Variants in ARIH1 observed in about 807,000 individuals in gnomAD.
The protein encoded by ARIH1 is ariadne RBR E3 ubiquitin protein ligase 1.
A neutral mutation model predicts 85.0 loss-of-function variants in ARIH1; 8 were observed. The observed-to-expected ratio is 0.09, with a 90% confidence interval of 0.06 to 0.17. The LOEUF (loss-of-function observed/expected upper bound fraction) is 0.17. Among genes scored for constraint, ARIH1 ranks in the 10% least tolerant of loss-of-function variants. The probability of loss-of-function intolerance (pLI) is 1.00; values close to 1 mark genes in which losing one functional copy is unlikely to be tolerated. For missense variants in ARIH1, 311 were observed against 718.1 expected, an observed-to-expected ratio of 0.43 and a Z score of 6.48; for synonymous variants, 238 against 253.6, an observed-to-expected ratio of 0.94 and a Z score of 0.59.
At chr15:72,490,410 G>T (rs780574221) in intron 1 of ARIH1, among the ~76,000 whole-genome samples, 1 of 152,110 alleles carries the variant, frequency 6.6e-6, no homozygotes, top group African/African-American at 2.4e-5. Flanking sequence ...TGTCAGATTG[G>T]CAGCGGCATT....
intron 2 of ARIH1, among the ~76,000 whole-genome samples, chr15:72,528,144 CTCATT>C (rs2064038653): frequency 6.6e-6 from 1 of 151,974 alleles, no homozygotes. Context: ...CATTTAAAAA[CTCATT>C]TCAGTTGATA....
chr15:72,487,553 T>C (rs1398461180), intron 1 of ARIH1, among the ~76,000 whole-genome samples: 3 of 152,244 alleles, frequency 2.0e-5, no homozygotes, highest in Non-Finnish European at 4.4e-5. Flanking sequence ...TAATACCTTC[T>C]CTCTTTGAGG....
chr15:72,503,213 G>A (rs967574821), intron 1 of ARIH1, among the ~76,000 whole-genome samples: 3 of 152,144 alleles, frequency 2.0e-5, no homozygotes, highest in Admixed American at 6.5e-5. Flanking sequence ...TGTTTTCTTC[G>A]TTTTTGTGGT....
At position 72,527,521 on chromosome 15, in the gene ARIH1, C is replaced by T. The variant is rs558775642; in HGVS notation, c.443+9387C>T. Among the ~76,000 whole-genome samples the T allele has an allele frequency of 8.6e-4, 131 of 151,876 alleles. 1 individual carries two copies. Among genetic ancestry groups the T allele is most frequent in the Admixed American group, 9.8e-4 (15 of 15,262 alleles). On this transcript the variant is annotated intron_variant, in intron 2 of 13. Coordinates refer to ENST00000379887, the MANE Select transcript of ARIH1 (RefSeq NM_005744.5). ...CTTGCTAGCTTTTTTTTTTTATCTC[C>T]GTATCCTTATGTCTGTTCTCATATT...
chr15:72,516,619 G>C (rs1206745316), intron 1 of ARIH1, among the ~76,000 whole-genome samples: 1 of 152,156 alleles, frequency 6.6e-6, no homozygotes, highest in Non-Finnish European at 1.5e-5. Context: ...TGTGGGTCCA[G>C]AGAAGTAAGG....
chr15:72,544,464 T>C (rs2064120382), intron 2 of ARIH1, among the ~76,000 whole-genome samples: 1 of 152,102 alleles, frequency 6.6e-6, no homozygotes, highest in Admixed American at 6.6e-5. Context: ...GTTAAAATAC[T>C]AATAGCTTAA....
chr15:72,537,208 C>T (rs116304714), intron 2 of ARIH1, among the ~76,000 whole-genome samples: 2 of 151,988 alleles, frequency 1.3e-5, no homozygotes, highest in African/African-American at 4.8e-5. Flanking sequence ...CTTTGGAATT[C>T]TGAACTTACC....
intron 6 of ARIH1, among the ~76,000 whole-genome samples, chr15:72,562,133 T>C (rs916867227): frequency 6.6e-6 from 1 of 152,220 alleles, no homozygotes; most frequent in African/African-American, 2.4e-5. Flanking sequence ...AATCGTGTCA[T>C]GTTTAATCAT....
chr15:72,572,566 T>G (rs766511958), intron 11 of ARIH1, among the ~76,000 whole-genome samples: 7 of 152,232 alleles, frequency 4.6e-5, no homozygotes, highest in Non-Finnish European at 8.8e-5. Context: ...TGAAAGACAT[T>G]CCAGTAAATA....
At chr15:72,475,166 G>T (rs1363330135) in intron 1 of ARIH1, 152 bp downstream of exon 1, 11 of 1,374,074 alleles carry the variant, frequency 8.0e-6, no homozygotes. Context: ...GCTGGGGATA[G>T]AGGGTGTCGA....
intron 11 of ARIH1, among the ~76,000 whole-genome samples, chr15:72,573,775 G>C (rs1324450287): frequency 6.6e-6 from 1 of 151,970 alleles, no homozygotes; most frequent in Non-Finnish European, 1.5e-5. Flanking sequence ...GCCAAACCAA[G>C]AGAGCCACAA....
intron 11 of ARIH1, 145 bp downstream of exon 11, chr15:72,572,310 T>C (rs2064252170): frequency 1.8e-6 from 1 of 544,566 alleles, no homozygotes. Flanking sequence ...TGATCTCAGC[T>C]CACTGCAACC....
At chr15:72,480,745 G>A (rs2063813260) in intron 1 of ARIH1, among the ~76,000 whole-genome samples, 1 of 151,728 alleles carries the variant, frequency 6.6e-6, no homozygotes, top group South Asian at 2.1e-4. Context: ...TGTATTTTTA[G>A]TAGAGATGGG....
At chr15:72,524,576 T>C (rs967996585) in intron 2 of ARIH1, among the ~76,000 whole-genome samples, 2 of 152,040 alleles carry the variant, frequency 1.3e-5, no homozygotes, top group Non-Finnish European at 2.9e-5. Context: ...CAAGAAGAAG[T>C]AGAAAAATAG....
At chr15:72,485,167 C>T (rs1383240476) in intron 1 of ARIH1, among the ~76,000 whole-genome samples, 2 of 152,118 alleles carry the variant, frequency 1.3e-5, no homozygotes, top group Non-Finnish European at 2.9e-5. Context: ...CGTACTCTAC[C>T]GATTTTTTCT....
intron 1 of ARIH1, among the ~76,000 whole-genome samples, chr15:72,487,250 C>G (rs1407470873): frequency 6.6e-6 from 1 of 152,052 alleles, no homozygotes; most frequent in Non-Finnish European, 1.5e-5. Context: ...TTAGACAATG[C>G]TAAGAATAGC....
Position 72,597,597 on chromosome 15 carries a change from C to T in ARIH1, c.*14305C>T, listed in dbSNP as rs956625736. The stretch of plus-strand genomic sequence containing the variant: ...GCCTCTGTTGGATTTCACAACAATC[C>T]TGCCTCCCCTTTCATTTTTAAAGGG... On this transcript the variant is annotated 3_prime_UTR_variant, in exon 14 of 14. Coordinates refer to ENST00000379887, the MANE Select transcript of ARIH1 (RefSeq NM_005744.5). 6 of 152,142 alleles carry T rather than the reference C, an allele frequency of 3.9e-5. No homozygotes were observed. In the East Asian group the frequency reaches 1.2e-3, roughly 29 times the overall value. 9.4% of individuals were successfully genotyped at this position (152,142 alleles called of 1,614,324 possible).
chr15:72,496,542 A>C (rs1474876587), intron 1 of ARIH1, among the ~76,000 whole-genome samples: 2 of 152,230 alleles, frequency 1.3e-5, no homozygotes, highest in Non-Finnish European at 2.9e-5. Flanking sequence ...CTGTATCTGT[A>C]ACTGTCAGTG....
intron 11 of ARIH1, chr15:72,572,397 C>A: frequency 3.0e-6 from 1 of 328,022 alleles, no homozygotes; most frequent in South Asian, 5.6e-5. Flanking sequence ...GCCACCACAC[C>A]CTGCTAATTT....
Sources: allele counts gnomAD v4.1 joint callset (sites outside exome capture counted in the v4.1 genomes callset), GRCh38; gene constraint gnomAD v4.1.1; transcripts MANE v1.5; gene names NCBI Gene and HGNC (gene_info 2026-07-23, HGNC 2026-07-21).